The following PIWIL2 variants were observed in gnomAD, a reference collection of about 807,000 sequenced individuals.
PIWIL2 encodes the protein piwi like RNA-mediated gene silencing 2, also known as piwi-like protein 2.
Under a neutral mutation model 116.5 loss-of-function variants are expected in PIWIL2, and 81 were observed. The ratio of observed to expected loss-of-function variants is 0.70; its 90% confidence interval spans 0.58 to 0.84. The LOEUF is 0.84. Among genes scored for constraint, PIWIL2 ranks in the 40% least tolerant of loss-of-function variants. PIWIL2 has a pLI of 0.00. For missense variants in PIWIL2, 1,272 were observed against 1,212.3 expected, an observed-to-expected ratio of 1.05 and a Z score of -0.73; for synonymous variants, 489 against 429.5, an observed-to-expected ratio of 1.14 and a Z score of -1.71.
Position 22,309,956 on chromosome 8 carries a change from T to C in PIWIL2, c.1687-5T>C, listed in dbSNP as rs374673568. On this transcript the variant is annotated splice_region_variant and splice_polypyrimidine_tract_variant and intron_variant, in intron 14 of 22. Coordinates refer to ENST00000356766, the MANE Select transcript of PIWIL2 (RefSeq NM_018068.5). The stretch of plus-strand genomic sequence containing the variant: ...CATGTCATAGATGGTTTATTTTCTG[T>C]TTAGATTGAAGGACGTGTTCTGCCA... The C allele has an allele frequency of 9.3e-5, 144 of 1,548,036 alleles. No homozygotes were observed. The highest frequency in any genetic ancestry group is 1.2e-4 in the Non-Finnish European group (138 of 1,120,520).
intron 13 of PIWIL2, among the ~76,000 whole-genome samples, chr8:22,306,627 C>T (rs1230821931): frequency 6.6e-6 from 1 of 152,216 alleles, no homozygotes. Context: ...TTGAACTCCT[C>T]TCTGCTGCCT....
chr8:22,311,826 T>C (rs1257578580), intron 16 of PIWIL2, among the ~76,000 whole-genome samples: 1 of 152,140 alleles, frequency 6.6e-6, no homozygotes, highest in African/African-American at 2.4e-5. Flanking sequence ...ACAAGAGGAA[T>C]AGGGAGAGAA....
chr8:22,300,178 A>G (rs113379865), intron 10 of PIWIL2, among the ~76,000 whole-genome samples: 15 of 152,010 alleles, frequency 9.9e-5, no homozygotes, highest in Admixed American at 2.6e-4. Flanking sequence ...CAGTTCTCCT[A>G]CCTAGCCTCA....
At chr8:22,284,370 T>G in intron 6 of PIWIL2, 98 bp downstream of exon 6, 1 of 604,764 alleles carries the variant, frequency 1.7e-6, no homozygotes, top group Non-Finnish European at 2.9e-6. Flanking sequence ...CAGTTCCTGG[T>G]GGACGTCTCA....
At chr8:22,295,963 G>A (rs887125804) in intron 10 of PIWIL2, among the ~76,000 whole-genome samples, 3 of 150,558 alleles carry the variant, frequency 2.0e-5, no homozygotes. Flanking sequence ...GCTTCAGTTC[G>A]GCTGGTTGCT....
rs146962844 is a variant in PIWIL2 at position 22,355,748 on chromosome 8, C to G, written c.*243C>G. 1,203 of 491,986 alleles carry G rather than the reference C, an allele frequency of 2.4e-3. 10 individuals are homozygous for G. The highest frequency in any genetic ancestry group is 0.021 in the African/African-American group (1,078 of 51,624). 30.5% of individuals were successfully genotyped at this position (491,986 alleles called of 1,614,324 possible). A position where few individuals can be genotyped will look rare whatever the true frequency, so the allele number is the denominator to read the frequency against. On this transcript the variant is annotated 3_prime_UTR_variant, in exon 23 of 23. Transcript: ENST00000356766. ...AGCAAGTTACGGTGGTACTGCCACT[C>G]TGCAGGTGGAGCGGGTGACTCTGGG...
chr8:22,285,140 C>G (rs1183864231), intron 6 of PIWIL2, among the ~76,000 whole-genome samples: 2 of 152,146 alleles, frequency 1.3e-5, no homozygotes, highest in African/African-American at 2.4e-5. Flanking sequence ...CTGTTGTTAA[C>G]TATGGTTACC....
In PIWIL2 at chr8:22,310,015, A is replaced by T; in HGVS notation, c.1741A>T (p.Ile581Phe). Reference sequence around the variant, plus strand: ...AATTAACTTAAAAAATACTTCGTTTATCACATCTCAGGAACTAAACTGGGT... The same window carrying T: ...AATTAACTTAAAAAATACTTCGTTTTTCACATCTCAGGAACTAAACTGGGT... ...ERINLKNTSF[I>F]TSQELNWVKE... The change falls in exon 15 of 23, where the codon ATC (isoleucine) becomes TTC (phenylalanine). Residue 581 changes from isoleucine to phenylalanine, a missense_variant. Ile to Phe is a conservative substitution (Grantham distance 21). Transcript: ENST00000356766. 1 of 1,612,310 alleles carries T rather than the reference A, an allele frequency of 6.2e-7. No individual in the cohort carries two copies. The highest frequency in any genetic ancestry group is 8.5e-7 in the Non-Finnish European group (1 of 1,178,332).
chr8:22,317,716 A>G (rs1007294866), intron 19 of PIWIL2, among the ~76,000 whole-genome samples: 19 of 151,906 alleles, frequency 1.3e-4, no homozygotes, highest in African/African-American at 1.9e-4. Flanking sequence ...CTGGAATGCA[A>G]TGGCACAGTC....
At chr8:22,338,337 A>C (rs534596925) in intron 20 of PIWIL2, among the ~76,000 whole-genome samples, 3 of 152,208 alleles carry the variant, frequency 2.0e-5, no homozygotes, top group Non-Finnish European at 4.4e-5. Context: ...ACAAAAGTCA[A>C]TCACTTAAAA....
intron 20 of PIWIL2, among the ~76,000 whole-genome samples, chr8:22,336,312 T>C (rs1831980910): frequency 6.6e-6 from 1 of 152,146 alleles, no homozygotes; most frequent in Non-Finnish European, 1.5e-5. Context: ...GAATGAAATT[T>C]GAAATAAAGG....
intron 22 of PIWIL2, 95 bp downstream of exon 22, chr8:22,354,473 T>A: frequency 1.5e-6 from 1 of 657,314 alleles, no homozygotes; most frequent in Non-Finnish European, 2.7e-6. Flanking sequence ...TATATTTACC[T>A]CTTGACTTTT....
chr8:22,328,818 GTTTTTTT>G (rs57027657), intron 20 of PIWIL2, among the ~76,000 whole-genome samples: 3 of 107,162 alleles, frequency 2.8e-5, no homozygotes, highest in African/African-American at 1.0e-4. Flanking sequence ...AGCTCTAGTC[GTTTTTTT>G]TTTTTTTTTT....
chr8:22,289,909 TG>T lies in PIWIL2; in HGVS notation c.1051del (p.Val351TyrfsTer27). The T allele has an allele frequency of 6.2e-7, 1 of 1,609,708 alleles. No individual in the cohort carries two copies. The highest frequency in any genetic ancestry group is 8.5e-7 in the Non-Finnish European group (1 of 1,175,998). On this transcript the variant is annotated frameshift_variant, in exon 9 of 23. Coordinates refer to ENST00000356766, the MANE Select transcript of PIWIL2 (RefSeq NM_018068.5). LOFTEE classifies it high-confidence loss of function. ...GRNFYDPTSA[M>X]VLQQHRLQIW... ...AACTTTTATGACCCTACAAGTGCTA[TG>T]GTACTACAGCAACACAGGTTGGTAC...
intron 20 of PIWIL2, among the ~76,000 whole-genome samples, chr8:22,328,547 G>A (rs1831780714): frequency 6.6e-6 from 1 of 152,122 alleles, no homozygotes; most frequent in East Asian, 1.9e-4. Context: ...TAACAATACT[G>A]TCTTCCAGCA....
chr8:22,308,174 C>G, intron 14 of PIWIL2, 101 bp downstream of exon 14: 1 of 942,208 alleles, frequency 1.1e-6, no homozygotes, highest in South Asian at 2.6e-5. Context: ...AATGTTTGTC[C>G]ATGTCATTTA....
intron 10 of PIWIL2, among the ~76,000 whole-genome samples, chr8:22,296,591 G>A (rs1830913028): frequency 6.6e-6 from 1 of 152,204 alleles, no homozygotes; most frequent in South Asian, 2.1e-4. Context: ...TTTACCCTGA[G>A]AATTTTGAAG....
At chr8:22,305,164 T>C (rs2132032196) in intron 12 of PIWIL2, among the ~76,000 whole-genome samples, 1 of 142,036 alleles carries the variant, frequency 7.0e-6, no homozygotes, top group South Asian at 2.4e-4. Flanking sequence ...AGGAAAGGTA[T>C]AGATATTCAT....
intron 20 of PIWIL2, among the ~76,000 whole-genome samples, chr8:22,334,632 TGTTGGGTCAA>T (rs895694444): frequency 2.0e-5 from 3 of 152,148 alleles, no homozygotes; most frequent in Admixed American, 6.6e-5. Flanking sequence ...TTGGTCAGGC[TGTTGGGTCAA>T]GTTGGGTCAA....
Sources: allele counts gnomAD v4.1 joint callset (sites outside exome capture counted in the v4.1 genomes callset), GRCh38; gene constraint gnomAD v4.1.1; transcripts MANE v1.5; gene names NCBI Gene and HGNC (gene_info 2026-07-23, HGNC 2026-07-21).